Variants in SEC24A observed in about 807,000 individuals in gnomAD.
The protein encoded by SEC24A is protein transport protein Sec24A.
In SEC24A, 93 loss-of-function variants were observed where a neutral mutation model predicts 129.4. The ratio of observed to expected loss-of-function variants is 0.72; its 90% CI spans 0.61 to 0.85. The LOEUF is 0.85. Ranked by LOEUF, SEC24A falls within the 40% of genes least tolerant of loss-of-function variation. SEC24A has a pLI of 0.00. For missense variants in SEC24A, 1,264 were observed against 1,307.4 expected, an observed-to-expected ratio of 0.97 and a Z score of 0.51; for synonymous variants, 460 against 467.3, an observed-to-expected ratio of 0.98 and a Z score of 0.20.
chr5:134,687,049 C>T (rs957036738), intron 10 of SEC24A, 147 bp downstream of exon 10: 12 of 483,148 alleles, frequency 2.5e-5, no homozygotes, highest in Non-Finnish European at 4.0e-5. Flanking sequence ...ACTTTCTCTT[C>T]GAAACATTAT....
At chr5:134,715,767 T>G (rs1752459074) in intron 19 of SEC24A, among the ~76,000 whole-genome samples, 1 of 150,576 alleles carries the variant, frequency 6.6e-6, no homozygotes, top group Non-Finnish European at 1.5e-5. Context: ...GACAGGTTGA[T>G]GGGTGCAGCA....
chr5:134,688,147 A>C (rs1452388956), intron 10 of SEC24A, 34 bp from the exon 11 acceptor site: 1 of 1,209,522 alleles, frequency 8.3e-7, no homozygotes, highest in Non-Finnish European at 1.2e-6. Context: ...TGTGGTTAAA[A>C]CTTGATAAAA....
At position 134,661,166 on chromosome 5, in the gene SEC24A, G is replaced by A; in HGVS notation, c.145G>A (p.Gly49Arg). The A allele has an allele frequency of 6.2e-7, 1 of 1,613,640 alleles. No individual in the cohort carries two copies. The highest frequency in any genetic ancestry group is 2.2e-5 in the East Asian group (1 of 44,894). ...GTCTTCACAAGAGTCAGTGAGCCAA[G>A]GATACAATTTCCAGCTTCCAGGATC... The part of the protein sequence containing the change: ...LLSSQESVSQ[G>R]YNFQLPGSYP... The change falls in exon 2 of 23, where the codon GGA becomes AGA. Residue 49 changes from glycine (G) to arginine (R), a missense_variant. By Grantham distance (125) the Gly-to-Arg change is moderately radical. Transcript: ENST00000398844.
intron 1 of SEC24A, among the ~76,000 whole-genome samples, chr5:134,659,212 C>T (rs1580679793): frequency 6.6e-6 from 1 of 151,940 alleles, no homozygotes; most frequent in African/African-American, 2.4e-5. Flanking sequence ...GCTGGGACTA[C>T]AGGCACCCGC....
intron 2 of SEC24A, among the ~76,000 whole-genome samples, chr5:134,661,819 CTCT>C (rs1277770719): frequency 2.7e-5 from 3 of 112,578 alleles, no homozygotes; most frequent in Non-Finnish European, 3.4e-5. Flanking sequence ...ATTCTTTTTT[CTCT>C]TTTTTTTTTT....
chr5:134,649,265 T>C, intron 1 of SEC24A, 92 bp downstream of exon 1: 1 of 930,086 alleles, frequency 1.1e-6, no homozygotes, highest in Admixed American at 3.0e-5. Flanking sequence ...ATAGAGAGAG[T>C]GACCTCCTTA....
chr5:134,704,458 A>T (rs1752094477), intron 16 of SEC24A, among the ~76,000 whole-genome samples: 4 of 152,190 alleles, frequency 2.6e-5, no homozygotes, highest in African/African-American at 4.8e-5. Context: ...TTTGAATGCG[A>T]TCCCTGTTCA....
chr5:134,650,517 A>G (rs1395238222), intron 1 of SEC24A, among the ~76,000 whole-genome samples: 1 of 151,896 alleles, frequency 6.6e-6, no homozygotes, highest in African/African-American at 2.4e-5. Context: ...GATACAGTCC[A>G]ACAGACATTT....
Position 134,699,609 on chromosome 5 carries a change from A to AT in SEC24A, c.2266+1558dup, listed in dbSNP as rs1398520710. On this transcript the variant is annotated intron_variant, in intron 15 of 22. Transcript: ENST00000398844. The stretch of plus-strand genomic sequence containing the variant: ...CTACCGCACCTGGCCCATTTTATCC[A>AT]TTTTTTAATTGTACAGTGGCATCAA... Among the ~76,000 whole-genome samples the AT allele has an allele frequency of 2.0e-5, 3 of 148,334 alleles. No homozygotes were observed. In the Admixed American group the frequency reaches 2.0e-4, roughly 10 times the overall value.
intron 21 of SEC24A, among the ~76,000 whole-genome samples, chr5:134,721,811 G>A (rs890177703): frequency 2.0e-5 from 3 of 152,136 alleles, no homozygotes; most frequent in African/African-American, 7.2e-5. Flanking sequence ...GGTTGAGGCT[G>A]AAGTGAGCAG....
chr5:134,668,410 G>T (rs574323510), intron 3 of SEC24A, among the ~76,000 whole-genome samples: 1 of 152,062 alleles, frequency 6.6e-6, no homozygotes, highest in Non-Finnish European at 1.5e-5. Flanking sequence ...CCAAGGTGGT[G>T]AAACCCCATC....
intron 18 of SEC24A, 48 bp downstream of exon 18, chr5:134,708,936 T>A (rs780900044): frequency 6.4e-7 from 1 of 1,567,352 alleles, no homozygotes; most frequent in South Asian, 1.2e-5. Context: ...CCAGGCACTG[T>A]GGCCTACACC....
At chr5:134,695,944 C>CACAAA (rs1751809568) in intron 13 of SEC24A, among the ~76,000 whole-genome samples, 1 of 67,746 alleles carries the variant, frequency 1.5e-5, no homozygotes, top group Non-Finnish European at 3.0e-5. Flanking sequence ...GACTCTGTCT[C>CACAAA]AAAAAAAAAA....
rs549538356 is a variant in SEC24A, at chr5:134,661,188, G to A, written c.167G>A (p.Gly56Glu). 2.2e-5 allele frequency: 36 copies of A among 1,614,016 alleles called. No individual in the cohort carries two copies. The South Asian group carries it at 3.1e-4, about 14-fold the overall frequency. Residue 56 changes from glycine to glutamate, a missense_variant, in exon 2 of 23, where the codon GGA (glycine) becomes GAA (glutamate). By Grantham distance (98) the Gly-to-Glu change is moderately conservative (BLOSUM62 -2). Transcript: ENST00000398844. ...CAAGGATACAATTTCCAGCTTCCAG[G>A]ATCCTACCCTCATCCAATACCAGCA... ...VSQGYNFQLP[G>E]SYPHPIPAKT... is the part of the protein sequence containing the mutation.
At chr5:134,649,208 C>T in intron 1 of SEC24A, 35 bp downstream of exon 1, 1 of 1,479,772 alleles carries the variant, frequency 6.8e-7, no homozygotes, top group South Asian at 1.2e-5. Context: ...GCAGCCTGGC[C>T]AGGGCTGACT....
intron 3 of SEC24A, among the ~76,000 whole-genome samples, chr5:134,669,474 T>G (rs947633437): frequency 2.4e-5 from 3 of 126,054 alleles, no homozygotes; most frequent in Non-Finnish European, 5.0e-5. Context: ...CAGAAAAAAA[T>G]TTTTATTTAT....
At chr5:134,703,964 T>C in intron 16 of SEC24A, 32 bp downstream of exon 16, 4 of 1,432,034 alleles carry the variant, frequency 2.8e-6, no homozygotes, top group Non-Finnish European at 3.8e-6. Flanking sequence ...GGATTTCAAA[T>C]GTTCAAATAT....
intron 1 of SEC24A, among the ~76,000 whole-genome samples, chr5:134,652,724 G>A (rs1383676102): frequency 6.6e-6 from 1 of 151,980 alleles, no homozygotes; most frequent in Non-Finnish European, 1.5e-5. Context: ...AGTAGCTGGG[G>A]TTACAGGCAC....
chr5:134,714,519 G>A (rs1752422248), intron 18 of SEC24A, among the ~76,000 whole-genome samples: 1 of 152,210 alleles, frequency 6.6e-6, no homozygotes, highest in Non-Finnish European at 1.5e-5. Flanking sequence ...ATGATATGAG[G>A]TGGAACAGTT....
Sources: gnomAD v4.1 joint callset for allele counts (sites outside exome capture counted in the v4.1 genomes callset) on GRCh38, gnomAD v4.1.1 for gene constraint, MANE v1.5 for transcripts, NCBI Gene and HGNC (gene_info 2026-07-23, HGNC 2026-07-21) for gene names.